Variants in TRPC7 observed in about 807,000 individuals in gnomAD.
TRPC7 encodes short transient receptor potential channel 7.
TRPC7 carries 42 observed loss-of-function variants against 90.1 expected under a neutral mutation model. The ratio of observed to expected loss-of-function variants is 0.47; its 90% CI spans 0.36 to 0.60. The LOEUF is 0.60. Among genes scored for constraint, TRPC7 ranks in the 20% least tolerant of loss-of-function variants. The pLI is 0.00. For synonymous variants in TRPC7, 451 were observed against 436.3 expected, an observed-to-expected ratio of 1.03 and a Z score of -0.42; for missense variants, 955 against 1,112.3, an observed-to-expected ratio of 0.86 and a Z score of 2.01.
intron 7 of TRPC7, among the ~76,000 whole-genome samples, chr5:136,239,876 G>A (rs1190556223): frequency 6.6e-6 from 1 of 152,126 alleles, no homozygotes; most frequent in Non-Finnish European, 1.5e-5. Flanking sequence ...CAAACAGTCT[G>A]CAAGTTTCAT....
At chr5:136,308,276 C>G (rs1312759191) in intron 3 of TRPC7, among the ~76,000 whole-genome samples, 1 of 152,112 alleles carries the variant, frequency 6.6e-6, no homozygotes, top group Non-Finnish European at 1.5e-5. Context: ...TGTGGCCAGG[C>G]GAGATCCACG....
At chr5:136,248,460 T>G (rs1756415238) in intron 6 of TRPC7, among the ~76,000 whole-genome samples, 1 of 152,140 alleles carries the variant, frequency 6.6e-6, no homozygotes, top group Non-Finnish European at 1.5e-5. Flanking sequence ...TAACCACAAG[T>G]TTAGACCAGA....
At chr5:136,332,381 A>G (rs1426545893) in intron 2 of TRPC7, among the ~76,000 whole-genome samples, 2 of 152,108 alleles carry the variant, frequency 1.3e-5, no homozygotes, top group African/African-American at 2.4e-5. Context: ...AGCTTTTCCT[A>G]TGGCGAGATG....
chr5:136,362,947 A>T (rs950803073), intron 1 of TRPC7, among the ~76,000 whole-genome samples: 1 of 152,158 alleles, frequency 6.6e-6, no homozygotes, highest in African/African-American at 2.4e-5. Context: ...ATCTGGGTTG[A>T]TCATTTAAGA....
At chr5:136,329,071 T>C (rs1759423279) in intron 2 of TRPC7, among the ~76,000 whole-genome samples, 1 of 152,216 alleles carries the variant, frequency 6.6e-6, no homozygotes, top group Non-Finnish European at 1.5e-5. Context: ...CAATCTTGTT[T>C]TTTGTTTACT....
intron 4 of TRPC7, among the ~76,000 whole-genome samples, chr5:136,271,462 C>T (rs184203547): frequency 7.5e-4 from 114 of 152,280 alleles, no homozygotes; most frequent in African/African-American, 2.5e-3. Flanking sequence ...GCTCTGAGAT[C>T]TTAACAGGCA....
At chr5:136,252,305 G>A (rs778471226) in intron 5 of TRPC7, among the ~76,000 whole-genome samples, 1 of 152,046 alleles carries the variant, frequency 6.6e-6, no homozygotes. Flanking sequence ...CTACAGAAAT[G>A]CCCCAAGAAC....
rs759113418 is a variant in TRPC7, at chr5:136,225,313, C to T, written c.2304G>A (p.Leu768=). ...GCTTGCTCAAAGTGTTATTTGCTGTCAGATTTTCAGAATTCCTCATGCCAG... is the reference window on the plus strand; with the variant it reads ...GCTTGCTCAAAGTGTTATTTGCTGTTAGATTTTCAGAATTCCTCATGCCAG... ...YQAGMRNSEN[L]TANNTLSKPT... The change falls in exon 10 of 12, where the codon CTG becomes CTA. Residue 768 remains leucine (L), a synonymous_variant. Coordinates refer to ENST00000513104, the MANE Select transcript of TRPC7 (RefSeq NM_020389.3). The T allele has an allele frequency of 9.3e-6, 15 of 1,613,010 alleles. No individual in the cohort carries two copies. The highest frequency in any genetic ancestry group is 1.6e-4 in the Middle Eastern group (1 of 6,084).
intron 4 of TRPC7, 102 bp from the exon 5 acceptor site, chr5:136,266,538 C>T: frequency 3.8e-6 from 4 of 1,049,010 alleles, no homozygotes; most frequent in African/African-American, 1.6e-5. Flanking sequence ...GAGAATCCTT[C>T]ATCTTGGACA....
chr5:136,213,817 C>T (rs545753378), intron 11 of TRPC7, among the ~76,000 whole-genome samples: 121 of 152,328 alleles, frequency 7.9e-4, no homozygotes, highest in African/African-American at 2.7e-3. Flanking sequence ...GAAAGCCCTT[C>T]TCCTCCCATT....
intron 6 of TRPC7, among the ~76,000 whole-genome samples, chr5:136,248,188 A>C (rs1444053302): frequency 3.3e-5 from 5 of 152,238 alleles, no homozygotes; most frequent in Admixed American, 2.0e-4. Context: ...CAGCGCGAGG[A>C]ATAAGATGGG....
intron 1 of TRPC7, among the ~76,000 whole-genome samples, chr5:136,358,543 C>T (rs1760462762): frequency 6.6e-6 from 1 of 152,166 alleles, no homozygotes; most frequent in South Asian, 2.1e-4. Context: ...ATCCGGGCTC[C>T]ATCATTTGCC....
intron 3 of TRPC7, among the ~76,000 whole-genome samples, chr5:136,292,823 A>C (rs1423924029): frequency 6.6e-6 from 1 of 151,356 alleles, no homozygotes; most frequent in African/African-American, 2.4e-5. Flanking sequence ...ATACCAAAGC[A>C]TGGCAGAGAC....
chr5:136,319,414 T>A (rs1333605713), intron 2 of TRPC7, among the ~76,000 whole-genome samples: 2 of 152,104 alleles, frequency 1.3e-5, no homozygotes, highest in Non-Finnish European at 2.9e-5. Flanking sequence ...AATTCTCATC[T>A]TCTCCCTTTC....
intron 7 of TRPC7, among the ~76,000 whole-genome samples, chr5:136,232,718 T>A (rs1314204288): frequency 1.3e-5 from 2 of 152,240 alleles, no homozygotes. Flanking sequence ...TGACACTGTA[T>A]CAGGCTGATG....
chr5:136,357,125 T>C lies in TRPC7; in HGVS notation c.263A>G (p.Asn88Ser), dbSNP rs1162935656. Residue 88 changes from asparagine (N) to serine (S), a missense_variant, in exon 2 of 12, where the codon AAC (asparagine) becomes AGC (serine). Coordinates refer to ENST00000513104, the MANE Select transcript of TRPC7 (RefSeq NM_020389.3). The stretch of plus-strand genomic sequence containing the variant: ...CAGCTCCGTGACCTCTAGGTGCTCG[T>C]TGCCCACGGCCAGCTGCAGAGCGTT... Reference protein sequence around the residue: ...GQNALQLAVGNEHLEVTELLL... With the variant: ...GQNALQLAVGSEHLEVTELLL... 6.2e-7 allele frequency: 1 copy of C among 1,614,028 alleles called. No individual in the cohort carries two copies. The highest frequency in any genetic ancestry group is 2.2e-5 in the East Asian group (1 of 44,882).
intron 3 of TRPC7, among the ~76,000 whole-genome samples, chr5:136,303,488 A>C (rs1758479170): frequency 6.6e-6 from 1 of 152,162 alleles, no homozygotes; most frequent in Admixed American, 6.5e-5. Context: ...ACTGTGAGAC[A>C]AACCCCAGCC....
rs1561724003 is a variant in TRPC7, at chr5:136,336,186, AGTTCAT to A, written c.781-20413_781-20408del. Among the ~76,000 whole-genome samples, 6 of 152,132 alleles carry A rather than the reference AGTTCAT, an allele frequency of 3.9e-5. No individual in the cohort carries two copies. In the East Asian group the frequency reaches 1.2e-3, roughly 29 times the overall value. ...AGAAGCTTTCTCTCACGTTGCAGGCAGTTCATTGCTGTCTCCTCTGTGTTCTCACAG... is the reference window on the plus strand; with the variant it reads ...AGAAGCTTTCTCTCACGTTGCAGGCATGCTGTCTCCTCTGTGTTCTCACAG... On this transcript the variant is annotated intron_variant, in intron 2 of 11. Coordinates refer to ENST00000513104, the MANE Select transcript of TRPC7 (RefSeq NM_020389.3).
intron 2 of TRPC7, among the ~76,000 whole-genome samples, chr5:136,353,842 C>T (rs148520266): frequency 6.6e-6 from 1 of 152,154 alleles, no homozygotes; most frequent in Non-Finnish European, 1.5e-5. Flanking sequence ...TCTTAATTGT[C>T]CACAATTTTC....
Sources: allele counts gnomAD v4.1 joint callset (sites outside exome capture counted in the v4.1 genomes callset), GRCh38; gene constraint gnomAD v4.1.1; transcripts MANE v1.5; gene names NCBI Gene and HGNC (gene_info 2026-07-23, HGNC 2026-07-21).